The following NEGR1 variants were observed in gnomAD, a reference collection of about 807,000 sequenced individuals.
The protein encoded by NEGR1 is neuronal growth regulator 1.
A neutral mutation model predicts 40.9 loss-of-function variants in NEGR1; 10 were observed. The observed-to-expected ratio is 0.24, with a 90% CI of 0.15 to 0.42. The LOEUF is 0.42. Ranked by LOEUF, NEGR1 falls within the 10% of genes least tolerant of loss-of-function variation. NEGR1 has a pLI of 1.00. For missense variants in NEGR1, 352 were observed against 438.9 expected (o/e 0.80, Z 1.77); for synonymous variants, 185 against 166.8 (o/e 1.11, Z -0.84).
At chr1:71,493,306 C>T (rs905387258) in intron 6 of NEGR1, among the ~76,000 whole-genome samples, 1 of 152,092 alleles carries the variant, frequency 6.6e-6, no homozygotes, top group African/African-American at 2.4e-5. Context: ...TACAAATCAA[C>T]CCCAAAATGT....
chr1:72,238,159 C>T (rs1040483988), intron 1 of NEGR1, among the ~76,000 whole-genome samples: 9 of 151,838 alleles, frequency 5.9e-5, no homozygotes, highest in East Asian at 3.9e-4. Context: ...CCAGTAAGAA[C>T]ACTATGGGGA....
chr1:71,813,230 T>C (rs940852047), intron 2 of NEGR1, among the ~76,000 whole-genome samples: 1 of 152,120 alleles, frequency 6.6e-6, no homozygotes, highest in African/African-American at 2.4e-5. Context: ...TTGTTGAAGA[T>C]CAGATGGTCG....
intron 1 of NEGR1, among the ~76,000 whole-genome samples, chr1:72,006,313 A>G (rs1475105837): frequency 6.6e-6 from 1 of 152,176 alleles, no homozygotes. Flanking sequence ...TTCTGAGAGT[A>G]AATAAGCCTA....
intron 2 of NEGR1, among the ~76,000 whole-genome samples, chr1:71,780,398 C>A (rs1022818664): frequency 2.0e-5 from 3 of 152,056 alleles, no homozygotes; most frequent in Non-Finnish European, 2.9e-5. Context: ...CATAAAAAGA[C>A]AATGAAAAGG....
chr1:72,125,405 T>A (rs1649972143), intron 1 of NEGR1, among the ~76,000 whole-genome samples: 3 of 152,088 alleles, frequency 2.0e-5, no homozygotes, highest in African/African-American at 7.2e-5. Flanking sequence ...CTATCATTAC[T>A]TATAGTATGC....
At chr1:71,755,614 C>G (rs952824456) in intron 3 of NEGR1, among the ~76,000 whole-genome samples, 2 of 152,182 alleles carry the variant, frequency 1.3e-5, no homozygotes, top group Non-Finnish European at 2.9e-5. Flanking sequence ...TAGAACAGAA[C>G]AACTTTTGTC....
intron 2 of NEGR1, among the ~76,000 whole-genome samples, chr1:71,827,115 G>A (rs1363340260): frequency 1.3e-5 from 2 of 151,422 alleles, no homozygotes; most frequent in African/African-American, 4.8e-5. Flanking sequence ...ATGAAATCCA[G>A]TTTGGTATGG....
intron 6 of NEGR1, among the ~76,000 whole-genome samples, chr1:71,506,888 C>T (rs72936152): frequency 0.04 from 6,129 of 152,192 alleles, 408 homozygotes; most frequent in African/African-American, 0.14. Flanking sequence ...AGGTAAATTA[C>T]CTAATGGCTA....
chr1:72,107,850 T>C (rs1416245538), intron 1 of NEGR1, among the ~76,000 whole-genome samples: 1 of 151,398 alleles, frequency 6.6e-6, no homozygotes, highest in Non-Finnish European at 1.5e-5. Context: ...CACATATACA[T>C]GGGTATATAC....
At chr1:71,998,719 A>G (rs1646527819) in intron 1 of NEGR1, among the ~76,000 whole-genome samples, 1 of 151,286 alleles carries the variant, frequency 6.6e-6, no homozygotes, top group South Asian at 2.1e-4. Flanking sequence ...AAATATATTC[A>G]TATATATTAA....
At chr1:71,732,896 C>T (rs923332406) in intron 3 of NEGR1, among the ~76,000 whole-genome samples, 1 of 152,018 alleles carries the variant, frequency 6.6e-6, no homozygotes, top group Non-Finnish European at 1.5e-5. Context: ...GGATTAAGGA[C>T]AAAATGTTTT....
At chr1:71,918,620 G>A (rs1288868544) in intron 2 of NEGR1, among the ~76,000 whole-genome samples, 1 of 151,552 alleles carries the variant, frequency 6.6e-6, no homozygotes, top group Non-Finnish European at 1.5e-5. Flanking sequence ...ATGTTACCTT[G>A]AAAAACACAC....
chr1:71,670,595 T>G (rs1652387942), intron 4 of NEGR1, among the ~76,000 whole-genome samples: 2 of 152,154 alleles, frequency 1.3e-5, no homozygotes, highest in African/African-American at 4.8e-5. Context: ...CTCACTCTGT[T>G]GTCCACACAC....
intron 3 of NEGR1, among the ~76,000 whole-genome samples, chr1:71,739,175 G>A (rs568951414): frequency 4.2e-5 from 6 of 142,974 alleles, no homozygotes; most frequent in African/African-American, 2.7e-5. Context: ...TCAGCTGCCT[G>A]TGCAGCCAGA....
intron 6 of NEGR1, among the ~76,000 whole-genome samples, chr1:71,592,611 G>C (rs1015447303): frequency 6.6e-6 from 1 of 151,932 alleles, no homozygotes; most frequent in Non-Finnish European, 1.5e-5. Flanking sequence ...AACACATGTC[G>C]ACTTCTACAG....
chr1:71,425,920 G>A (rs996573498), intron 6 of NEGR1, among the ~76,000 whole-genome samples: 2 of 152,064 alleles, frequency 1.3e-5, no homozygotes, highest in African/African-American at 2.4e-5. Context: ...TACATAAGAG[G>A]GTCCTTCAGG....
At chr1:71,970,861 T>A (rs1646250903) in intron 1 of NEGR1, among the ~76,000 whole-genome samples, 1 of 152,218 alleles carries the variant, frequency 6.6e-6, no homozygotes, top group Non-Finnish European at 1.5e-5. Context: ...GGACAGACTC[T>A]ACAGTATGTT....
intron 1 of NEGR1, among the ~76,000 whole-genome samples, chr1:71,997,050 A>ATAG (rs747835167): frequency 2.5e-4 from 38 of 152,044 alleles, no homozygotes; most frequent in Non-Finnish European, 1.8e-4. Context: ...GCACAGTATT[A>ATAG]ATGTCACCTC....
chr1:72,145,246 A>T (rs1650862651), intron 1 of NEGR1, among the ~76,000 whole-genome samples: 1 of 152,132 alleles, frequency 6.6e-6, no homozygotes, highest in Non-Finnish European at 1.5e-5. Context: ...AAGTAGAAAG[A>T]TATGCTCAAA....
Sources: gnomAD v4.1 joint callset for allele counts (sites outside exome capture counted in the v4.1 genomes callset) on GRCh38, gnomAD v4.1.1 for gene constraint, MANE v1.5 for transcripts, NCBI Gene and HGNC (gene_info 2026-07-23, HGNC 2026-07-21) for gene names.